The following RFX8 variants were observed in gnomAD, a reference collection of about 807,000 sequenced individuals.
The protein encoded by RFX8 is regulatory factor X8, also known as DNA-binding protein RFX8.
A neutral mutation model predicts 54.6 loss-of-function variants in RFX8; 46 were observed. That is an observed-to-expected ratio of 0.84 (90% CI 0.67 to 1.08). The LOEUF is 1.08. RFX8 is among the 50% of genes least tolerant of loss of function. RFX8 has a pLI of 0.00. For missense variants in RFX8, 536 were observed against 562.3 expected (o/e 0.95, Z 0.47); for synonymous variants, 192 against 209.5 (o/e 0.92, Z 0.72).
At chr2:101,454,231 C>G (rs1053942128) in intron 2 of RFX8, among the ~76,000 whole-genome samples, 1 of 152,078 alleles carries the variant, frequency 6.6e-6, no homozygotes, top group Admixed American at 6.6e-5. Flanking sequence ...ATGAACTCAT[C>G]TTTTTTATGG....
At chr2:101,471,496 G>A (rs896130137) in intron 1 of RFX8, among the ~76,000 whole-genome samples, 2 of 152,156 alleles carry the variant, frequency 1.3e-5, no homozygotes, top group African/African-American at 4.8e-5. Context: ...GCAGAAATTT[G>A]TAAAAGTCTA....
chr2:101,402,391 T>C, intron 11 of RFX8, 45 bp downstream of exon 11: 1 of 1,435,768 alleles, frequency 7.0e-7, no homozygotes, highest in Non-Finnish European at 9.4e-7. Flanking sequence ...GTGGCTCTTA[T>C]TCCCCTTGAA....
At chr2:101,473,351 C>T (rs990716215) in intron 1 of RFX8, among the ~76,000 whole-genome samples, 1 of 152,176 alleles carries the variant, frequency 6.6e-6, no homozygotes, top group Non-Finnish European at 1.5e-5. Flanking sequence ...TAGCAGAAAC[C>T]TAGCCCGGCT....
At chr2:101,422,216 G>T in intron 3 of RFX8, 146 bp downstream of exon 3, 2 of 606,448 alleles carry the variant, frequency 3.3e-6, no homozygotes, top group Non-Finnish European at 3.0e-6. Flanking sequence ...ATCAAGCCAG[G>T]GAAGGTTGCT....
At chr2:101,418,017 G>A (rs1328758186) in intron 5 of RFX8, among the ~76,000 whole-genome samples, 1 of 152,082 alleles carries the variant, frequency 6.6e-6, no homozygotes, top group Non-Finnish European at 1.5e-5. Flanking sequence ...AGCCTCCCAA[G>A]TAGCTGGGAT....
At chr2:101,471,884 A>G (rs1166006136) in intron 1 of RFX8, among the ~76,000 whole-genome samples, 1 of 152,232 alleles carries the variant, frequency 6.6e-6, no homozygotes, top group Non-Finnish European at 1.5e-5. Flanking sequence ...AGTAATGTGG[A>G]AAATGGCAGG....
chr2:101,428,700 A>C (rs535588549), intron 2 of RFX8, among the ~76,000 whole-genome samples: 7 of 152,276 alleles, frequency 4.6e-5, no homozygotes, highest in Admixed American at 3.9e-4. Flanking sequence ...ATCCTTTTTA[A>C]TTTTAGCTGA....
At chr2:101,469,955 G>T in intron 1 of RFX8, among the ~76,000 whole-genome samples, 1 of 152,134 alleles carries the variant, frequency 6.6e-6, no homozygotes, top group East Asian at 1.9e-4. Flanking sequence ...TTCTGTTTCT[G>T]ACCATGTGTC....
chr2:101,454,134 G>A lies in RFX8; in HGVS notation c.72+12643C>T, dbSNP rs570303474. 2.6e-3 allele frequency among the ~76,000 whole-genome samples: 387 copies of A among 150,914 alleles called. 4 individuals carry two copies. The highest frequency in any genetic ancestry group is 9.0e-3 in the African/African-American group (371 of 41,016). On this transcript the variant is annotated intron_variant, in intron 2 of 11. Coordinates refer to ENST00000428343, the MANE Select transcript of RFX8 (RefSeq NM_001145664.2). ...CATTGTTCAATTCCCACCTATGAGT[G>A]AGAACATGCAGTGTTTGGTTTTCTG...
At chr2:101,431,927 T>G (rs1398694684) in intron 2 of RFX8, among the ~76,000 whole-genome samples, 1 of 152,196 alleles carries the variant, frequency 6.6e-6, no homozygotes, top group African/African-American at 2.4e-5. Flanking sequence ...TAGGGGCCTG[T>G]GTATAGCAGG....
chr2:101,466,398 G>A (rs1276578839), intron 2 of RFX8, among the ~76,000 whole-genome samples: 1 of 152,004 alleles, frequency 6.6e-6, no homozygotes, highest in African/African-American at 2.4e-5. Flanking sequence ...AGAAACATCA[G>A]TTGTCTGACA....
chr2:101,468,898 C>T (rs574167162), intron 1 of RFX8, among the ~76,000 whole-genome samples: 89 of 149,324 alleles, frequency 6.0e-4, no homozygotes, highest in African/African-American at 2.0e-3. Flanking sequence ...AGGCTGAGTA[C>T]AGGGTGATAC....
chr2:101,426,382 G>C (rs1163046367), intron 2 of RFX8, among the ~76,000 whole-genome samples: 1 of 152,074 alleles, frequency 6.6e-6, no homozygotes, highest in Non-Finnish European at 1.5e-5. Flanking sequence ...TTCTGGGCAT[G>C]GTGACATACG....
chr2:101,444,607 C>T (rs1174664012), intron 2 of RFX8, among the ~76,000 whole-genome samples: 2 of 152,122 alleles, frequency 1.3e-5, no homozygotes, highest in African/African-American at 4.8e-5. Flanking sequence ...AATGCTCCAA[C>T]AAATAATTGT....
At chr2:101,439,998 TCTC>T (rs1327281542) in intron 2 of RFX8, among the ~76,000 whole-genome samples, 2 of 152,136 alleles carry the variant, frequency 1.3e-5, no homozygotes, top group African/African-American at 4.8e-5. Flanking sequence ...GGGAGAGTGT[TCTC>T]CTCCCATTTT....
Position 101,405,932 on chromosome 2 carries a change from C to A in RFX8, c.928+11G>T, listed in dbSNP as rs753546362. ...GTAGAATACAAAATACTTTCTTATT[C>A]TCTGACTTACCAAAACTATCTCTGT... On this transcript the variant is annotated intron_variant, in intron 10 of 11. Coordinates refer to ENST00000428343, the MANE Select transcript of RFX8 (RefSeq NM_001145664.2). The A allele has an allele frequency of 6.8e-7, 1 of 1,478,874 alleles. No homozygotes were observed. The highest frequency in any genetic ancestry group is 1.3e-5 in the South Asian group (1 of 76,874). The allele number at this position is 1,478,874 out of a possible 1,614,324, so 91.6% of individuals were successfully genotyped here.
rs923801704 is a variant in RFX8 at position 101,410,614 on chromosome 2, C to T, written c.813+5G>A. 15 of 1,467,864 alleles carry T rather than the reference C, an allele frequency of 1.0e-5. No homozygotes were observed. The highest frequency in any genetic ancestry group is 1.3e-5 in the Non-Finnish European group (14 of 1,079,308). 90.9% of individuals were successfully genotyped at this position (1,467,864 alleles called of 1,614,324 possible). On this transcript the variant is annotated splice_donor_5th_base_variant and intron_variant, in intron 9 of 11. Transcript: ENST00000428343. ...TTTTTTTTTTTTTAAGTCACAGCTT[C>T]CTACCTGGAACACAAATGCTTGGAG... is the stretch of plus-strand genomic sequence containing the variant.
intron 2 of RFX8, among the ~76,000 whole-genome samples, chr2:101,462,535 T>C (rs2138002): frequency 0.35 from 52,503 of 152,126 alleles, 9,736 homozygotes; most frequent in African/African-American, 0.44. Flanking sequence ...AAAATGTTTA[T>C]GATATTTGAG....
chr2:101,450,819 A>T (rs1472029066), intron 2 of RFX8: 2 of 608,878 alleles, frequency 3.3e-6, no homozygotes, highest in African/African-American at 3.7e-5. Flanking sequence ...GGAAAAGCTA[A>T]TCCTTCAGTC....
Sources: allele counts gnomAD v4.1 joint callset (sites outside exome capture counted in the v4.1 genomes callset), GRCh38; gene constraint gnomAD v4.1.1; transcripts MANE v1.5; gene names NCBI Gene and HGNC (gene_info 2026-07-23, HGNC 2026-07-21).